The following SLC28A3 variants were observed in gnomAD, a reference collection of about 807,000 sequenced individuals.
The protein encoded by SLC28A3 is concentrative Na(+)-nucleoside cotransporter 3.
Under a neutral mutation model 84.2 loss-of-function variants are expected in SLC28A3, and 68 were observed. The ratio of observed to expected loss-of-function variants is 0.81; its 90% CI spans 0.66 to 0.99. The LOEUF is 0.99. Ranked by LOEUF, SLC28A3 falls within the 50% of genes least tolerant of loss-of-function variation. The pLI, the probability that SLC28A3 is intolerant of heterozygous loss-of-function variation, is 0.00. For missense variants in SLC28A3, 712 were observed against 841.5 expected (o/e 0.85, Z 1.90); for synonymous variants, 267 against 303.6 (o/e 0.88, Z 1.25).
chr9:84,310,482 G>A (rs184796865), intron 2 of SLC28A3: 2 of 985,244 alleles, frequency 2.0e-6, no homozygotes, highest in Admixed American at 6.2e-5. Flanking sequence ...AGAAGCTGGT[G>A]GGGGAGGAAA....
intron 10 of SLC28A3, among the ~76,000 whole-genome samples, chr9:84,290,860 C>CAAACAAAA (rs1564150395): frequency 6.6e-6 from 1 of 151,904 alleles, no homozygotes; most frequent in African/African-American, 2.4e-5. Flanking sequence ...AACAAACAAA[C>CAAACAAAA]AACCTCAGCA....
chr9:84,322,288 T>A (rs1020058494), intron 1 of SLC28A3, among the ~76,000 whole-genome samples: 1 of 152,188 alleles, frequency 6.6e-6, no homozygotes, highest in Non-Finnish European at 1.5e-5. Flanking sequence ...TAAAGAGACA[T>A]TGGACATCAT....
intron 1 of SLC28A3, among the ~76,000 whole-genome samples, chr9:84,322,145 T>C (rs1170117614): frequency 6.6e-6 from 1 of 152,250 alleles, no homozygotes; most frequent in African/African-American, 2.4e-5. Context: ...GTGAAGCAAT[T>C]TGGTCAGAGT....
intron 14 of SLC28A3, among the ~76,000 whole-genome samples, chr9:84,282,834 C>T (rs1356666997): frequency 6.6e-6 from 1 of 152,192 alleles, no homozygotes; most frequent in African/African-American, 2.4e-5. Flanking sequence ...ATTCAAGACT[C>T]AAGTGGCCAT....
chr9:84,360,503 A>T, the SLC28A3 span, among the ~76,000 whole-genome samples: 1 of 151,624 alleles, frequency 6.6e-6, no homozygotes, highest in Non-Finnish European at 1.5e-5. Context: ...GAAGCCAAGC[A>T]GGAGATAAAA....
chr9:84,278,539 T>C (rs1824609519), intron 17 of SLC28A3, 195 bp from the exon 18 acceptor site: 2 of 604,834 alleles, frequency 3.3e-6, no homozygotes, highest in Non-Finnish European at 5.6e-6. Context: ...TCAAGAACTT[T>C]CCCTATTTCC....
chr9:84,356,129 C>G, the SLC28A3 span, among the ~76,000 whole-genome samples: 1 of 152,098 alleles, frequency 6.6e-6, no homozygotes, highest in Non-Finnish European at 1.5e-5. Flanking sequence ...CCTATTATTT[C>G]TTGAATAAGT....
intron 9 of SLC28A3, among the ~76,000 whole-genome samples, chr9:84,293,039 T>C (rs374342189): frequency 7.2e-5 from 11 of 152,344 alleles, no homozygotes; most frequent in Admixed American, 5.2e-4. Context: ...GCTAACATGC[T>C]TATGGAAGGC....
At chr9:84,278,650 G>A (rs1190770055) in intron 17 of SLC28A3, among the ~76,000 whole-genome samples, 1 of 152,064 alleles carries the variant, frequency 6.6e-6, no homozygotes, top group Non-Finnish European at 1.5e-5. Flanking sequence ...AATTAAAACT[G>A]TACAGGGTGG....
rs1022106554 is a variant in SLC28A3 at position 84,278,146 on chromosome 9, C to CTT, written c.*70_*71dup. On this transcript the variant is annotated 3_prime_UTR_variant, in exon 18 of 18. Coordinates refer to ENST00000376238, the MANE Select transcript of SLC28A3 (RefSeq NM_001199633.2). The stretch of plus-strand genomic sequence containing the variant: ...AGCATCAATCTGTGGACAATAGCTT[C>CTT]TTTTTTTTTTCTTTCCAAAGCAGAA... The CTT allele has an allele frequency of 3.8e-5, 53 of 1,380,222 alleles. No individual in the cohort carries two copies. Among genetic ancestry groups the CTT allele is most frequent in the Non-Finnish European group, 5.1e-5 (52 of 1,020,592 alleles). The allele number at this position is 1,380,222 out of a possible 1,614,324, so 85.5% of individuals were successfully genotyped here. A position where few individuals can be genotyped will look rare whatever the true frequency, so the allele number is the denominator to read the frequency against.
chr9:84,365,011 A>C, the SLC28A3 span, among the ~76,000 whole-genome samples: 1 of 152,106 alleles, frequency 6.6e-6, no homozygotes, highest in South Asian at 2.1e-4. Context: ...CAATATACTG[A>C]CTTCCTTTCT....
chr9:84,348,883 C>T, the SLC28A3 span, among the ~76,000 whole-genome samples: 1 of 152,086 alleles, frequency 6.6e-6, no homozygotes, highest in Non-Finnish European at 1.5e-5. Context: ...TTCCCAGTCT[C>T]CAGAACTGTG....
chr9:84,329,543 A>G (rs1290486372), intron 1 of SLC28A3, among the ~76,000 whole-genome samples: 1 of 152,240 alleles, frequency 6.6e-6, no homozygotes, highest in Non-Finnish European at 1.5e-5. Context: ...GGGAAAACTT[A>G]TAAATTATGA....
chr9:84,325,199 A>C (rs1826511554), intron 1 of SLC28A3, among the ~76,000 whole-genome samples: 1 of 151,680 alleles, frequency 6.6e-6, no homozygotes, highest in African/African-American at 2.4e-5. Context: ...CCTACCTTTT[A>C]TTTATTTTTT....
At chr9:84,314,290 C>T (rs58775000) in intron 1 of SLC28A3, among the ~76,000 whole-genome samples, 2 of 152,022 alleles carry the variant, frequency 1.3e-5, no homozygotes, top group African/African-American at 2.4e-5. Context: ...CCGTCCGGAC[C>T]CCTCAGCTGC....
At chr9:84,294,412 C>G in intron 8 of SLC28A3, 137 bp from the exon 9 acceptor site, 2 of 759,572 alleles carry the variant, frequency 2.6e-6, no homozygotes, top group Non-Finnish European at 4.3e-6. Context: ...GAACTTTAAT[C>G]AGGCAGCTTC....
rs1216452039 is a variant in SLC28A3, at chr9:84,276,642, T to TTGAG, written c.*1572_*1575dup. 1 of 152,152 alleles carries TTGAG rather than the reference T, an allele frequency of 6.6e-6. No homozygotes were observed. The highest frequency in any genetic ancestry group is 1.9e-4 in the East Asian group (1 of 5,188). 9.4% of individuals were successfully genotyped at this position (152,152 alleles called of 1,614,324 possible). ...AAAGTCTGAAGACTGCAAGGGCACA[T>TTGAG]TGAGCTCCAAGGAAAATTGATACAA... On this transcript the variant is annotated 3_prime_UTR_variant, in exon 18 of 18. Transcript: ENST00000376238.
At chr9:84,317,667 C>A (rs1453145910) in intron 1 of SLC28A3, among the ~76,000 whole-genome samples, 2 of 152,110 alleles carry the variant, frequency 1.3e-5, no homozygotes, top group East Asian at 3.9e-4. Context: ...GGCCTGGTTG[C>A]CAGAGCAAAT....
intron 3 of SLC28A3, among the ~76,000 whole-genome samples, chr9:84,306,177 GA>G (rs962454985): frequency 1.3e-5 from 2 of 152,116 alleles, no homozygotes; most frequent in African/African-American, 4.8e-5. Context: ...AGTCTGGGTG[GA>G]AGGAACTTCT....
Sources: allele counts gnomAD v4.1 joint callset (sites outside exome capture counted in the v4.1 genomes callset), GRCh38; gene constraint gnomAD v4.1.1; transcripts MANE v1.5; gene names NCBI Gene and HGNC (gene_info 2026-07-23, HGNC 2026-07-21).